The following TAFA5 variants were observed in gnomAD, a reference collection of about 807,000 sequenced individuals.
TAFA5 encodes the protein TAFA chemokine like family member 5.
In TAFA5, 6 loss-of-function variants were observed where a neutral mutation model predicts 15.3. That is an observed-to-expected ratio of 0.39 (90% CI 0.21 to 0.77). The LOEUF (loss-of-function observed/expected upper bound fraction) is 0.77, where lower values mean the gene tolerates loss of function less well. TAFA5 is among the 30% of genes least tolerant of loss of function. The pLI, the probability that TAFA5 is intolerant of heterozygous loss-of-function variation, is 0.41. For synonymous variants in TAFA5, 103 were observed against 80.7 expected (o/e 1.28, Z -1.48); for missense variants, 161 against 193.1 (o/e 0.83, Z 0.98).
intron 3 of TAFA5, among the ~76,000 whole-genome samples, chr22:48,745,803 C>T (rs1930312881): frequency 6.6e-6 from 1 of 152,176 alleles, no homozygotes; most frequent in Middle Eastern, 3.2e-3. Flanking sequence ...CTCTTCTGCC[C>T]CTGGTCCCAC....
At chr22:48,687,768 C>G (rs150741581) in intron 2 of TAFA5, among the ~76,000 whole-genome samples, 1 of 152,164 alleles carries the variant, frequency 6.6e-6, no homozygotes, top group Non-Finnish European at 1.5e-5. Context: ...AGTGCCCCAC[C>G]TCTGAGGGGG....
At chr22:48,559,984 C>T (rs539973249) in intron 1 of TAFA5, among the ~76,000 whole-genome samples, 1 of 152,184 alleles carries the variant, frequency 6.6e-6, no homozygotes, top group Non-Finnish European at 1.5e-5. Flanking sequence ...GGGGTCCAGA[C>T]CCCCGTGGGT....
chr22:48,625,391 G>T lies in TAFA5; in HGVS notation c.113-21206G>T, dbSNP rs182473116. Among the ~76,000 whole-genome samples, 3 of 152,260 alleles carry T rather than the reference G, an allele frequency of 2.0e-5. No homozygotes were observed. The South Asian group carries it at 6.2e-4, about 32-fold the overall frequency. ...TTCTAGCCCCCTCCCGTTGCCTGTCGGTAAACTCCCACTGCAACAGTGAGG... is the reference window on the plus strand; with the variant it reads ...TTCTAGCCCCCTCCCGTTGCCTGTCTGTAAACTCCCACTGCAACAGTGAGG... On this transcript the variant is annotated intron_variant, in intron 1 of 3. Transcript: ENST00000402357.
chr22:48,542,085 G>GTGCA (rs1555886555), intron 1 of TAFA5, among the ~76,000 whole-genome samples: 1 of 149,206 alleles, frequency 6.7e-6, no homozygotes, highest in Admixed American at 6.6e-5. Context: ...GTGTGTGTGT[G>GTGCA]TGCATGTGTG....
At chr22:48,528,537 C>A (rs963428411) in intron 1 of TAFA5, among the ~76,000 whole-genome samples, 1 of 152,140 alleles carries the variant, frequency 6.6e-6, no homozygotes, top group Non-Finnish European at 1.5e-5. Flanking sequence ...GTCTTCACCC[C>A]CTAGGAGCCT....
At chr22:48,698,934 C>CTTTT (rs745562520) in intron 2 of TAFA5, among the ~76,000 whole-genome samples, 5 of 94,706 alleles carry the variant, frequency 5.3e-5, no homozygotes, top group South Asian at 3.1e-4. Context: ...TGTGGCAATG[C>CTTTT]TTTTTTTTTT....
At chr22:48,503,700 A>G (rs1247547658) in intron 1 of TAFA5, among the ~76,000 whole-genome samples, 9 of 152,210 alleles carry the variant, frequency 5.9e-5, no homozygotes, top group African/African-American at 1.9e-4. Flanking sequence ...TTTTTGATCT[A>G]CTTTTGCTTC....
intron 1 of TAFA5, among the ~76,000 whole-genome samples, chr22:48,581,814 C>T (rs1026181468): frequency 1.3e-5 from 2 of 152,188 alleles, no homozygotes; most frequent in African/African-American, 4.8e-5. Flanking sequence ...TAAAATACAG[C>T]CCCTTCGTTA....
chr22:48,503,645 T>G (rs1048949411), intron 1 of TAFA5, among the ~76,000 whole-genome samples: 6 of 152,234 alleles, frequency 3.9e-5, no homozygotes, highest in African/African-American at 1.4e-4. Flanking sequence ...TCAAAATTAG[T>G]GTTTCATTGA....
chr22:48,563,525 G>A (rs1923310465), intron 1 of TAFA5, among the ~76,000 whole-genome samples: 1 of 152,200 alleles, frequency 6.6e-6, no homozygotes, highest in Admixed American at 6.5e-5. Context: ...ATGGGAAGAG[G>A]GGCCTGGCTC....
intron 3 of TAFA5, among the ~76,000 whole-genome samples, chr22:48,727,398 A>G (rs940545019): frequency 3.9e-5 from 6 of 152,254 alleles, no homozygotes; most frequent in African/African-American, 1.4e-4. Context: ...TGATGATTTA[A>G]GTCGTTAGAG....
At chr22:48,729,451 T>C (rs1441353883) in intron 3 of TAFA5, among the ~76,000 whole-genome samples, 2 of 147,274 alleles carry the variant, frequency 1.4e-5, no homozygotes, top group African/African-American at 4.9e-5. Context: ...TAAACATAAA[T>C]CTGTATAAAA....
chr22:48,545,308 G>C (rs771543102), intron 1 of TAFA5: 4 of 250,326 alleles, frequency 1.6e-5, no homozygotes, highest in Non-Finnish European at 3.2e-5. Context: ...CTGCCTCAGA[G>C]GGGGCTGGAT....
intron 1 of TAFA5, among the ~76,000 whole-genome samples, chr22:48,631,215 G>A (rs1211548473): frequency 6.6e-6 from 1 of 152,154 alleles, no homozygotes; most frequent in Admixed American, 6.5e-5. Flanking sequence ...CGGGGTCTTG[G>A]CCCCTCTGCC....
intron 3 of TAFA5, among the ~76,000 whole-genome samples, chr22:48,726,097 CAG>C (rs1301348622): frequency 6.6e-6 from 1 of 152,208 alleles, no homozygotes; most frequent in Non-Finnish European, 1.5e-5. Context: ...CCCCTGAACT[CAG>C]TGAGACTTAG....
intron 1 of TAFA5, among the ~76,000 whole-genome samples, chr22:48,577,547 G>C (rs533081285): frequency 8.7e-4 from 133 of 152,350 alleles, no homozygotes; most frequent in African/African-American, 3.1e-3. Flanking sequence ...GCACCGGAGG[G>C]CGCCTGTGTG....
chr22:48,523,678 G>A (rs1268512546), intron 1 of TAFA5, among the ~76,000 whole-genome samples: 1 of 152,212 alleles, frequency 6.6e-6, no homozygotes, highest in Non-Finnish European at 1.5e-5. Context: ...CTGCATGAAG[G>A]AGGCATCCCG....
intron 1 of TAFA5, among the ~76,000 whole-genome samples, chr22:48,581,327 C>T (rs993563061): frequency 2.0e-5 from 3 of 152,236 alleles, no homozygotes; most frequent in African/African-American, 7.2e-5. Flanking sequence ...TGGCAGTGGA[C>T]GGACGGGGCC....
intron 1 of TAFA5, among the ~76,000 whole-genome samples, chr22:48,611,880 T>A (rs1259146591): frequency 6.6e-6 from 1 of 152,088 alleles, no homozygotes; most frequent in African/African-American, 2.4e-5. Flanking sequence ...CCCTGAGGGC[T>A]GCTGAGAGTC....
Sources: allele counts gnomAD v4.1 joint callset (sites outside exome capture counted in the v4.1 genomes callset), GRCh38; gene constraint gnomAD v4.1.1; transcripts MANE v1.5; gene names NCBI Gene and HGNC (gene_info 2026-07-23, HGNC 2026-07-21).